The following PHC3 variants were observed in gnomAD, a reference collection of about 807,000 sequenced individuals.
PHC3 encodes the protein polyhomeotic-like protein 3.
A neutral mutation model predicts 107.4 loss-of-function variants in PHC3; 13 were observed. That is an observed-to-expected ratio of 0.12 (90% CI 0.08 to 0.19). The LOEUF is 0.19. Ranked by LOEUF, PHC3 falls within the 10% of genes least tolerant of loss-of-function variation. The probability of loss-of-function intolerance (pLI) is 1.00; values close to 1 mark genes in which losing one functional copy is unlikely to be tolerated. For synonymous variants in PHC3, 456 were observed against 427.4 expected, an observed-to-expected ratio of 1.07 and a Z score of -0.83; for missense variants, 992 against 1,210.9, an observed-to-expected ratio of 0.82 and a Z score of 2.68.
chr3:170,151,518 G>A (rs550719455), intron 4 of PHC3, among the ~76,000 whole-genome samples: 170 of 152,310 alleles, frequency 1.1e-3, no homozygotes, highest in African/African-American at 3.8e-3. Context: ...AAGCCAGAGA[G>A]ATGTCACCTC....
Sources: allele counts gnomAD v4.1 joint callset (sites outside exome capture counted in the v4.1 genomes callset), GRCh38; gene constraint gnomAD v4.1.1; transcripts MANE v1.5; gene names NCBI Gene and HGNC (gene_info 2026-07-23, HGNC 2026-07-21).